The following FANCL variants were observed in gnomAD, a reference collection of about 807,000 sequenced individuals.
FANCL encodes the protein E3 ubiquitin-protein ligase FANCL.
In FANCL, 69 loss-of-function variants were observed where a neutral mutation model predicts 59.4. The observed-to-expected ratio is 1.16, with a 90% CI of 0.96 to 1.42. The LOEUF is 1.42. Ranked by LOEUF, FANCL falls within the 40% of genes most tolerant of loss-of-function variation. The probability of loss-of-function intolerance (pLI) is 0.00; values close to 1 mark genes in which losing one functional copy is unlikely to be tolerated. For synonymous variants in FANCL, 180 were observed against 147.1 expected, an observed-to-expected ratio of 1.22 and a Z score of -1.62; for missense variants, 519 against 447.2, an observed-to-expected ratio of 1.16 and a Z score of -1.45.
At chr2:58,197,595 T>C (rs928102824) in intron 7 of FANCL, among the ~76,000 whole-genome samples, 6 of 152,192 alleles carry the variant, frequency 3.9e-5, no homozygotes, top group African/African-American at 1.2e-4. Context: ...ATCTATGTTA[T>C]AGTTTACAGT....
chr2:58,179,504 A>C (rs191797058), intron 7 of FANCL, among the ~76,000 whole-genome samples: 164 of 152,338 alleles, frequency 1.1e-3, no homozygotes, highest in Middle Eastern at 3.4e-3. Flanking sequence ...CTATTTATTA[A>C]ACGGTGTTGG....
At chr2:58,177,227 T>G (rs1025484916) in intron 7 of FANCL, among the ~76,000 whole-genome samples, 3 of 152,172 alleles carry the variant, frequency 2.0e-5, no homozygotes, top group Non-Finnish European at 2.9e-5. Context: ...GTGTGGCGAT[T>G]CCTCAGGGAT....
At chr2:58,203,545 A>C (rs1690264218) in intron 6 of FANCL, among the ~76,000 whole-genome samples, 1 of 152,072 alleles carries the variant, frequency 6.6e-6, no homozygotes, top group Non-Finnish European at 1.5e-5. Context: ...TAAAAAATAA[A>C]GATGAAACAA....
At chr2:58,196,315 G>A (rs572958804) in intron 7 of FANCL, among the ~76,000 whole-genome samples, 1 of 152,094 alleles carries the variant, frequency 6.6e-6, no homozygotes, top group East Asian at 1.9e-4. Flanking sequence ...TTAAGACAAA[G>A]AGAAATATAG....
chr2:58,225,309 G>T (rs1692890947), intron 4 of FANCL, among the ~76,000 whole-genome samples: 1 of 151,334 alleles, frequency 6.6e-6, no homozygotes, highest in South Asian at 2.1e-4. Context: ...TGTTTTAAAA[G>T]GAAAAGAAAC....
At chr2:58,233,636 A>G (rs547396270) in intron 1 of FANCL, among the ~76,000 whole-genome samples, 5 of 152,200 alleles carry the variant, frequency 3.3e-5, no homozygotes, top group Admixed American at 3.3e-4. Flanking sequence ...AGCACTTTCC[A>G]ATAGAACCTA....
chr2:58,171,935 C>T lies in FANCL; in HGVS notation c.541-6061G>A, dbSNP rs13431638. On this transcript the variant is annotated intron_variant, in intron 7 of 13. Transcript: ENST00000233741. ...GCGCTTTTCCGACGGGTTTAAAAAA[C>T]GGCACACCAGGAGATTACATCCCGC... Among the ~76,000 whole-genome samples, 744 of 152,324 alleles carry T rather than the reference C, an allele frequency of 4.9e-3. 7 individuals are homozygous for T. The highest frequency in any genetic ancestry group is 0.016 in the African/African-American group (656 of 41,578).
chr2:58,228,866 A>T (rs1693297380), intron 3 of FANCL, among the ~76,000 whole-genome samples: 1 of 152,110 alleles, frequency 6.6e-6, no homozygotes, highest in African/African-American at 2.4e-5. Flanking sequence ...TCTTAATATT[A>T]GACTACATAA....
intron 5 of FANCL, among the ~76,000 whole-genome samples, chr2:58,211,313 C>T (rs552338561): frequency 2.7e-4 from 39 of 144,150 alleles, no homozygotes; most frequent in African/African-American, 9.8e-4. Flanking sequence ...ACGGCCCAAG[C>T]TCTACACTGG....
chr2:58,216,809 T>C (rs1226574973), intron 5 of FANCL, among the ~76,000 whole-genome samples: 2 of 151,854 alleles, frequency 1.3e-5, no homozygotes, highest in East Asian at 3.9e-4. Flanking sequence ...CCTAGAGATG[T>C]GGGGTAGTTC....
chr2:58,215,178 A>G (rs984727282), intron 5 of FANCL, among the ~76,000 whole-genome samples: 1 of 152,260 alleles, frequency 6.6e-6, no homozygotes, highest in East Asian at 1.9e-4. Flanking sequence ...GACTAGGTCC[A>G]TGACATCAAT....
At chr2:58,173,478 T>A (rs534372937) in intron 7 of FANCL, among the ~76,000 whole-genome samples, 1 of 152,144 alleles carries the variant, frequency 6.6e-6, no homozygotes, top group Non-Finnish European at 1.5e-5. Flanking sequence ...TGGGAGCCAA[T>A]ATTCAACATT....
At chr2:58,216,111 T>C (rs1370251045) in intron 5 of FANCL, among the ~76,000 whole-genome samples, 2 of 152,112 alleles carry the variant, frequency 1.3e-5, no homozygotes, top group Non-Finnish European at 2.9e-5. Context: ...ACACAAAGGT[T>C]AGAGTTTAGG....
chr2:58,197,255 C>A (rs568214467), intron 7 of FANCL, among the ~76,000 whole-genome samples: 270 of 151,390 alleles, frequency 1.8e-3, no homozygotes, highest in Admixed American at 3.0e-3. Flanking sequence ...TATTTAAATC[C>A]TATTAGGCTT....
At chr2:58,219,548 A>G (rs1692266123) in intron 5 of FANCL, among the ~76,000 whole-genome samples, 1 of 152,042 alleles carries the variant, frequency 6.6e-6, no homozygotes, top group African/African-American at 2.4e-5. Context: ...TACGGTGCAG[A>G]AACCCGACAA....
intron 5 of FANCL, among the ~76,000 whole-genome samples, chr2:58,214,992 G>C (rs182067066): frequency 6.6e-6 from 1 of 152,246 alleles, no homozygotes; most frequent in East Asian, 1.9e-4. Flanking sequence ...ACTGAGGTAG[G>C]CTGCCTCAAA....
At chr2:58,219,175 T>TAC in intron 5 of FANCL, among the ~76,000 whole-genome samples, 1 of 51,538 alleles carries the variant, frequency 1.9e-5, no homozygotes, top group Non-Finnish European at 3.1e-5. Flanking sequence ...AAAAAAAATA[T>TAC]ATATATATAT....
rs1278893843 is a variant in FANCL, at chr2:58,216,043, A to C, written c.374+5899T>G. The stretch of plus-strand genomic sequence containing the variant: ...TGCTCCTAAAAGCAATGCTAACAAA[A>C]AGTGATAGAGCTTTGTCAAAAATGG... On this transcript the variant is annotated intron_variant, in intron 5 of 13. Transcript: ENST00000233741. Among the ~76,000 whole-genome samples, 4 of 152,178 alleles carry C rather than the reference A, an allele frequency of 2.6e-5. No homozygotes were observed. In the South Asian group the frequency reaches 8.3e-4, roughly 32 times the overall value.
chr2:58,204,843 T>TA (rs1272574340), intron 5 of FANCL, among the ~76,000 whole-genome samples: 2 of 152,136 alleles, frequency 1.3e-5, no homozygotes, highest in Non-Finnish European at 2.9e-5. Context: ...ACTAATATTC[T>TA]AAACATATAG....
Sources: allele counts gnomAD v4.1 joint callset (sites outside exome capture counted in the v4.1 genomes callset), GRCh38; gene constraint gnomAD v4.1.1; transcripts MANE v1.5; gene names NCBI Gene and HGNC (gene_info 2026-07-23, HGNC 2026-07-21).